SIAH2: variants seen among roughly 807,000 people sequenced by gnomAD.
SIAH2 encodes siah E3 ubiquitin protein ligase 2, also known as E3 ubiquitin-protein ligase SIAH2.
SIAH2 carries 4 observed loss-of-function variants against 20.4 expected under a neutral mutation model. The ratio of observed to expected loss-of-function variants is 0.20; its 90% CI spans 0.10 to 0.45. SIAH2 has a LOEUF of 0.45. SIAH2 is among the 20% of genes least tolerant of loss of function. SIAH2 has a pLI of 0.99. For synonymous variants in SIAH2, 171 were observed against 192.5 expected (o/e 0.89, Z 0.93); for missense variants, 259 against 440.3 (o/e 0.59, Z 3.69).
In SIAH2 at chr3:150,762,222, A is replaced by T; in HGVS notation, c.417+211T>A. 9.8e-7 allele frequency: 1 copy of T among 1,017,136 alleles called. No homozygotes were observed. The highest frequency in any genetic ancestry group is 1.4e-6 in the Non-Finnish European group (1 of 727,466). 63.0% of individuals were successfully genotyped at this position (1,017,136 alleles called of 1,614,324 possible). Reference sequence around the variant, plus strand: ...ATCAGCAAATGCCAATTAATCTGTTAATTGTCTATTAACAATTATTACTCG... The same window carrying T: ...ATCAGCAAATGCCAATTAATCTGTTTATTGTCTATTAACAATTATTACTCG... On this transcript the variant is annotated intron_variant, in intron 1 of 1. Transcript: ENST00000312960. This position sits in a 1 kb window ranked among gnomAD's most constrained non-coding sequence, Gnocchi z 6.6.
chr3:150,754,591 A>G (rs1397943471), intron 1 of SIAH2, among the ~76,000 whole-genome samples: 1 of 152,162 alleles, frequency 6.6e-6, no homozygotes, highest in African/African-American at 2.4e-5. Flanking sequence ...GTTTTTAAAG[A>G]AAAACTCCAC....
intron 1 of SIAH2, among the ~76,000 whole-genome samples, chr3:150,754,297 G>A (rs1714434198): frequency 2.6e-5 from 4 of 152,162 alleles, no homozygotes; most frequent in Admixed American, 2.6e-4. Flanking sequence ...TTCCAATCAT[G>A]GTGGAAGGCA....
chr3:150,745,607 T>A (rs1470076555), intron 1 of SIAH2, among the ~76,000 whole-genome samples: 1 of 152,150 alleles, frequency 6.6e-6, no homozygotes, highest in African/African-American at 2.4e-5. Flanking sequence ...GCCATTCTCC[T>A]GCCTCAGCCT....
At chr3:150,759,082 A>T (rs748710997) in intron 1 of SIAH2, among the ~76,000 whole-genome samples, 22 of 151,760 alleles carry the variant, frequency 1.4e-4, no homozygotes, top group Non-Finnish European at 2.9e-4. Flanking sequence ...GGGTTTCACT[A>T]TGTTGTCCAG....
intron 1 of SIAH2, among the ~76,000 whole-genome samples, chr3:150,760,454 T>A (rs1198394928): frequency 6.6e-6 from 1 of 152,236 alleles, no homozygotes; most frequent in Non-Finnish European, 1.5e-5. Context: ...TTCCCAGAAC[T>A]ACTCTTCAAG....
chr3:150,742,261 G>A lies in SIAH2; in HGVS notation c.855C>T (p.Asp285=), dbSNP rs35591652. ...TGTTCATGATGGCCGCAGCCACACCGTCATGAATCGAACGGGGCGTGGCCT... is the reference window on the plus strand; with the variant it reads ...TGTTCATGATGGCCGCAGCCACACCATCATGAATCGAACGGGGCGTGGCCT... ...TWEATPRSIH[D]GVAAAIMNSD... is the part of the protein sequence containing the mutation. Residue 285 remains aspartate, a synonymous_variant, in exon 2 of 2, where the codon GAC becomes GAT. Transcript: ENST00000312960. The surrounding 1 kb of genome is among the most constrained non-coding windows in gnomAD (Gnocchi z 4.8). 3.8e-4 allele frequency: 606 copies of A among 1,614,142 alleles called. 2 individuals are homozygous for A. In the African/African-American group the frequency reaches 6.1e-3, roughly 16 times the overall value.
chr3:150,742,106 T>G lies in SIAH2; in HGVS notation c.*35A>C, dbSNP rs577303223. ...AACCTTTATTAAACATAGAGCACTATGCCCAAATAATTTTGAAGGTTTACG... is the reference window on the plus strand; with the variant it reads ...AACCTTTATTAAACATAGAGCACTAGGCCCAAATAATTTTGAAGGTTTACG... On this transcript the variant is annotated 3_prime_UTR_variant, in exon 2 of 2. Coordinates refer to ENST00000312960, the MANE Select transcript of SIAH2 (RefSeq NM_005067.7). This position sits in a 1 kb window ranked among gnomAD's most constrained non-coding sequence, Gnocchi z 4.8. 1.5e-5 allele frequency: 24 copies of G among 1,567,370 alleles called. 1 individual carries two copies. The South Asian group carries it at 2.4e-4, about 15-fold the overall frequency.
intron 1 of SIAH2, among the ~76,000 whole-genome samples, chr3:150,755,374 A>G (rs1405047904): frequency 2.7e-5 from 3 of 111,840 alleles, no homozygotes; most frequent in Non-Finnish European, 3.3e-5. Flanking sequence ...TCTGTCACCC[A>G]GGCTGGAGGG....
rs966623770 is a variant in SIAH2 at position 150,741,981 on chromosome 3, T to C, written c.*160A>G. On this transcript the variant is annotated 3_prime_UTR_variant, in exon 2 of 2. Coordinates refer to ENST00000312960, the MANE Select transcript of SIAH2 (RefSeq NM_005067.7). The stretch of plus-strand genomic sequence containing the variant: ...CCCCATTCATCCCAGGTTAATGAAC[T>C]TTGTTGGGTCGAAGCCAGATGGGAC... 1.5e-5 allele frequency: 10 copies of C among 687,630 alleles called. No homozygotes were observed. The highest frequency in any genetic ancestry group is 2.5e-5 in the Non-Finnish European group (10 of 407,372). The allele number at this position is 687,630 out of a possible 1,614,324, so 42.6% of individuals were successfully genotyped here. A position where few individuals can be genotyped will look rare whatever the true frequency, so the allele number is the denominator to read the frequency against.
chr3:150,757,389 C>A (rs1331451258), intron 1 of SIAH2, among the ~76,000 whole-genome samples: 1 of 152,168 alleles, frequency 6.6e-6, no homozygotes, highest in African/African-American at 2.4e-5. Context: ...AGGCCATCAT[C>A]TGAGGGTTCC....
chr3:150,742,850 A>G lies in SIAH2; in HGVS notation c.418-152T>C, dbSNP rs1714124324. The G allele has an allele frequency of 1.7e-6, 1 of 575,812 alleles. No individual in the cohort carries two copies. The allele number at this position is 575,812 out of a possible 1,614,324, so 35.7% of individuals were successfully genotyped here. On this transcript the variant is annotated intron_variant, in intron 1 of 1. Transcript: ENST00000312960. The surrounding 1 kb of genome is among the most constrained non-coding windows in gnomAD (Gnocchi z 4.8). ...AGCAAGTGAAATATTCAAGACTAAAAGTCTCCGTCTCTATTCATCATCAAT... is the reference window on the plus strand; with the variant it reads ...AGCAAGTGAAATATTCAAGACTAAAGGTCTCCGTCTCTATTCATCATCAAT...
intron 1 of SIAH2, among the ~76,000 whole-genome samples, chr3:150,745,951 A>T (rs1559935428): frequency 6.6e-6 from 1 of 152,214 alleles, no homozygotes; most frequent in East Asian, 1.9e-4. Flanking sequence ...CAACTATGTA[A>T]AGGAAGACCA....
chr3:150,746,494 C>T (rs1164290286), intron 1 of SIAH2, among the ~76,000 whole-genome samples: 1 of 152,166 alleles, frequency 6.6e-6, no homozygotes, highest in Admixed American at 6.5e-5. Flanking sequence ...GACAGTGGTG[C>T]TATTGACATT....
chr3:150,763,011 T>G lies in SIAH2; in HGVS notation c.-162A>C. 1 of 774,376 alleles carries G rather than the reference T, an allele frequency of 1.3e-6. No homozygotes were observed. Among genetic ancestry groups the G allele is most frequent in the Non-Finnish European group, 1.6e-6 (1 of 617,870 alleles). 48.0% of individuals were successfully genotyped at this position (774,376 alleles called of 1,614,324 possible). ...GCTCGGCGCCCGGCAGGCGGAGGGCTGGACCGCGCTGATGCACTCCGCAGC... is the reference window on the plus strand; with the variant it reads ...GCTCGGCGCCCGGCAGGCGGAGGGCGGGACCGCGCTGATGCACTCCGCAGC... On this transcript the variant is annotated 5_prime_UTR_variant, in exon 1 of 2. Transcript: ENST00000312960. This position sits in a 1 kb window ranked among gnomAD's most constrained non-coding sequence, Gnocchi z 4.1.
chr3:150,761,105 G>C (rs1187489799), intron 1 of SIAH2, among the ~76,000 whole-genome samples: 4 of 152,132 alleles, frequency 2.6e-5, no homozygotes, highest in African/African-American at 9.7e-5. Flanking sequence ...TGAATTCTCT[G>C]GTGGATTATT....
intron 1 of SIAH2, among the ~76,000 whole-genome samples, chr3:150,750,584 A>AT (rs953964137): frequency 0.024 from 3,586 of 149,244 alleles, 130 homozygotes; most frequent in African/African-American, 0.082. Flanking sequence ...AGATTTAAAA[A>AT]TTTTTTTTTT....
chr3:150,758,975 C>T lies in SIAH2; in HGVS notation c.417+3458G>A, dbSNP rs549292227. Among the ~76,000 whole-genome samples the T allele has an allele frequency of 1.1e-4, 16 of 152,140 alleles. No individual in the cohort carries two copies. The South Asian group carries it at 3.1e-3, about 30-fold the overall frequency. On this transcript the variant is annotated intron_variant, in intron 1 of 1. Coordinates refer to ENST00000312960, the MANE Select transcript of SIAH2 (RefSeq NM_005067.7). ...GGTCAGGCTGGTCTCAAACTCCTGACCTCAGGTGATCCACCCACCTCAGCC... is the reference window on the plus strand; with the variant it reads ...GGTCAGGCTGGTCTCAAACTCCTGATCTCAGGTGATCCACCCACCTCAGCC...
rs1196981329 is a variant in SIAH2, at chr3:150,741,240, T to C, written c.*901A>G. On this transcript the variant is annotated 3_prime_UTR_variant, in exon 2 of 2. Coordinates refer to ENST00000312960, the MANE Select transcript of SIAH2 (RefSeq NM_005067.7). The stretch of plus-strand genomic sequence containing the variant: ...ACCGGTTATAAAGCTTTTCCAACTC[T>C]ACTGATTTAGTCTTTCACACCAGCT... 2 of 152,666 alleles carry C rather than the reference T, an allele frequency of 1.3e-5. No homozygotes were observed. Among genetic ancestry groups the C allele is most frequent in the Non-Finnish European group, 2.9e-5 (2 of 68,046 alleles). The allele number at this position is 152,666 out of a possible 1,614,324, so 9.5% of individuals were successfully genotyped here.
rs1373419 is a variant in SIAH2 at position 150,762,702 on chromosome 3, C to T, written c.148G>A (p.Ala50Thr). 4.2e-3 allele frequency: 5,287 copies of T among 1,259,182 alleles called. 243 individuals are homozygous for T. The South Asian group carries it at 0.099, about 24-fold the overall frequency. The allele number at this position is 1,259,182 out of a possible 1,614,324, so 78.0% of individuals were successfully genotyped here. Residue 50 changes from alanine (A) to threonine (T), a missense_variant, in exon 1 of 2, where the codon GCC (alanine) becomes ACC (threonine). Coordinates refer to ENST00000312960, the MANE Select transcript of SIAH2 (RefSeq NM_005067.7). This position sits in a 1 kb window ranked among gnomAD's most constrained non-coding sequence, Gnocchi z 6.6. ...AAGPGSSAVP[A>T]AAAVISGPGG... is the part of the protein sequence containing the mutation. ...GGGCCCGAGATCACCGCCGCCGCGG[C>T]GGGCACCGCGGACGAGCCGGGGCCC... is the stretch of plus-strand genomic sequence containing the variant.
Sources: gnomAD v4.1 joint callset for allele counts (sites outside exome capture counted in the v4.1 genomes callset) on GRCh38, gnomAD v4.1.1 for gene constraint, Gnocchi (gnomAD v3.1) non-coding constraint, MANE v1.5 for transcripts, NCBI Gene and HGNC (gene_info 2026-07-23, HGNC 2026-07-21) for gene names.